NEK11: variants seen among roughly 807,000 people sequenced by gnomAD.
NEK11 encodes NIMA related kinase 11.
A neutral mutation model predicts 80.7 loss-of-function variants in NEK11; 72 were observed. That is an observed-to-expected ratio of 0.89 (90% CI 0.74 to 1.08). The LOEUF is 1.08. Among genes scored for constraint, NEK11 ranks in the 50% least tolerant of loss-of-function variants. NEK11 has a pLI of 0.00. For synonymous variants in NEK11, 251 were observed against 260.7 expected (o/e 0.96, Z 0.36); for missense variants, 764 against 763.6 (o/e 1.00, Z -0.01).
chr3:131,235,125 T>A (rs2095408964), intron 15 of NEK11, among the ~76,000 whole-genome samples: 1 of 152,118 alleles, frequency 6.6e-6, no homozygotes, highest in South Asian at 2.1e-4. Flanking sequence ...TGATCAGAGG[T>A]CCACAGGTCA....
Position 131,029,779 on chromosome 3 carries a change from T to C in NEK11, c.71T>C (p.Leu24Ser). The change falls in exon 3 of 18, where the codon TTG (leucine) becomes TCG (serine). Residue 24 changes from leucine to serine, a missense_variant. Physicochemically the swap from Leu to Ser is moderately radical, Grantham distance 145. Coordinates refer to ENST00000383366, the MANE Select transcript of NEK11 (RefSeq NM_024800.5). ...STAISTYPKT[L>S]IARRYVLQQK... ...GCCATTTCCACTTATCCAAAGACCT[T>C]GATTGCAAGAAGATACGTGCTTCAA... 6.2e-7 allele frequency: 1 copy of C among 1,614,176 alleles called. No individual in the cohort carries two copies. The highest frequency in any genetic ancestry group is 1.1e-5 in the South Asian group (1 of 91,092).
chr3:131,257,685 GATTCAC>G (rs1224746898), intron 16 of NEK11, among the ~76,000 whole-genome samples: 6 of 152,094 alleles, frequency 3.9e-5, no homozygotes, highest in African/African-American at 1.4e-4. Context: ...CAATTGTCAG[GATTCAC>G]ATTCTAATGA....
intron 14 of NEK11, among the ~76,000 whole-genome samples, chr3:131,218,325 G>A (rs1475376003): frequency 6.6e-6 from 1 of 152,146 alleles, no homozygotes; most frequent in Admixed American, 6.5e-5. Flanking sequence ...AAGGAGCTGA[G>A]CAAGGATGTG....
chr3:131,311,644 A>G (rs1255922585), intron 17 of NEK11, among the ~76,000 whole-genome samples: 2 of 152,256 alleles, frequency 1.3e-5, no homozygotes, highest in African/African-American at 4.8e-5. Flanking sequence ...TGCTGAGTGA[A>G]TAATGTTAGA....
chr3:131,269,467 G>C (rs1214986668), intron 16 of NEK11, among the ~76,000 whole-genome samples: 2 of 152,232 alleles, frequency 1.3e-5, no homozygotes, highest in African/African-American at 4.8e-5. Flanking sequence ...ATCTGGGCCA[G>C]AGTGCACCAT....
chr3:131,316,932 T>TAACA (rs1325814011), intron 17 of NEK11, among the ~76,000 whole-genome samples: 11 of 152,214 alleles, frequency 7.2e-5, no homozygotes, highest in African/African-American at 2.4e-4. Flanking sequence ...TGCTGGAATG[T>TAACA]AACACTTCAA....
intron 5 of NEK11, among the ~76,000 whole-genome samples, chr3:131,121,341 T>C (rs2082341092): frequency 6.6e-6 from 1 of 152,220 alleles, no homozygotes; most frequent in Non-Finnish European, 1.5e-5. Context: ...TGATCCTTCC[T>C]CTGGAAGCTT....
chr3:131,334,418 A>G (rs1290881709), intron 17 of NEK11, among the ~76,000 whole-genome samples: 7 of 151,780 alleles, frequency 4.6e-5, no homozygotes, highest in East Asian at 1.9e-4. Flanking sequence ...TTTGAAACCA[A>G]TGAGAACAAA....
In NEK11 at chr3:131,080,414, T is replaced by C; in HGVS notation, c.171-9T>C. 6.3e-7 allele frequency: 1 copy of C among 1,579,612 alleles called. No homozygotes were observed. The highest frequency in any genetic ancestry group is 1.7e-4 in the Middle Eastern group (1 of 5,896). Reference sequence around the variant, plus strand: ...CTCTAAATGTTTTTAAAATTTTTTTTGATCTCAGAAAGGTACTTAAGGAAA... The same window carrying C: ...CTCTAAATGTTTTTAAAATTTTTTTCGATCTCAGAAAGGTACTTAAGGAAA... On this transcript the variant is annotated splice_polypyrimidine_tract_variant and intron_variant, in intron 3 of 17. Coordinates refer to ENST00000383366, the MANE Select transcript of NEK11 (RefSeq NM_024800.5).
chr3:131,099,708 G>C (rs2078075695), intron 4 of NEK11, among the ~76,000 whole-genome samples: 1 of 151,890 alleles, frequency 6.6e-6, no homozygotes, highest in African/African-American at 2.4e-5. Flanking sequence ...GTATTCCTGG[G>C]CATTTCATTT....
At chr3:131,337,848 A>C (rs1159491281) in intron 17 of NEK11, among the ~76,000 whole-genome samples, 1 of 152,190 alleles carries the variant, frequency 6.6e-6, no homozygotes, top group East Asian at 1.9e-4. Flanking sequence ...TCTGTGCCTC[A>C]GTTTCTTCAA....
chr3:131,302,329 T>C (rs1392531597), intron 17 of NEK11, among the ~76,000 whole-genome samples: 1 of 152,184 alleles, frequency 6.6e-6, no homozygotes, highest in East Asian at 1.9e-4. Context: ...CATTAATCTT[T>C]TGGAGGTTTT....
intron 17 of NEK11, among the ~76,000 whole-genome samples, chr3:131,312,407 C>T (rs1337915355): frequency 1.3e-5 from 2 of 152,150 alleles, no homozygotes; most frequent in Non-Finnish European, 2.9e-5. Flanking sequence ...TCATTGTAGA[C>T]ATGAGCCCAT....
At chr3:131,280,744 T>C (rs983930114) in intron 17 of NEK11, among the ~76,000 whole-genome samples, 1 of 152,238 alleles carries the variant, frequency 6.6e-6, no homozygotes. Flanking sequence ...GGGTGTTGGA[T>C]AATTCTGTAT....
At chr3:131,302,465 T>C (rs2109218165) in intron 17 of NEK11, among the ~76,000 whole-genome samples, 1 of 152,254 alleles carries the variant, frequency 6.6e-6, no homozygotes, top group South Asian at 2.1e-4. Flanking sequence ...ATTTGAGATC[T>C]AACTTTTTGA....
chr3:131,341,712 T>A (rs1231995346), intron 17 of NEK11, among the ~76,000 whole-genome samples: 1 of 152,228 alleles, frequency 6.6e-6, no homozygotes, highest in Admixed American at 6.5e-5. Flanking sequence ...CTTTTTTTCT[T>A]CTTTGTGAAT....
intron 14 of NEK11, among the ~76,000 whole-genome samples, chr3:131,171,755 G>T (rs544406919): frequency 6.6e-6 from 1 of 152,156 alleles, no homozygotes; most frequent in Admixed American, 6.5e-5. Context: ...GCAGAGGAGG[G>T]TTATCAATAT....
chr3:131,159,100 A>G (rs1029909361), intron 10 of NEK11, among the ~76,000 whole-genome samples: 1 of 152,212 alleles, frequency 6.6e-6, no homozygotes, highest in Non-Finnish European at 1.5e-5. Flanking sequence ...TCAAACCCTC[A>G]AAGTTATCAA....
In NEK11 at chr3:131,251,049, C is replaced by CTG. The variant is rs747401642; in HGVS notation, c.1621+7565_1621+7566dup. ...AATATTTGTAAGTGTATGTGTGCAT[C>CTG]TGTGTGTGTGTGTATAACAGAGAGA... On this transcript the variant is annotated intron_variant, in intron 16 of 17. Transcript: ENST00000383366. 9.3e-5 allele frequency among the ~76,000 whole-genome samples: 14 copies of CTG among 150,686 alleles called. No homozygotes were observed. The East Asian group carries it at 1.9e-3, about 21-fold the overall frequency.
Sources: allele counts gnomAD v4.1 joint callset (sites outside exome capture counted in the v4.1 genomes callset), GRCh38; gene constraint gnomAD v4.1.1; transcripts MANE v1.5; gene names NCBI Gene and HGNC (gene_info 2026-07-23, HGNC 2026-07-21).